Variants in TMEM63B observed in about 807,000 individuals in gnomAD.
TMEM63B encodes transmembrane protein 63B.
A neutral mutation model predicts 102.6 loss-of-function variants in TMEM63B; 23 were observed. That is an observed-to-expected ratio of 0.22 (90% CI 0.16 to 0.32). TMEM63B has a LOEUF of 0.32. TMEM63B is among the 10% of genes least tolerant of loss of function. The pLI, the probability that TMEM63B is intolerant of heterozygous loss-of-function variation, is 1.00. For synonymous variants in TMEM63B, 444 were observed against 437.0 expected (o/e 1.02, Z -0.20); for missense variants, 628 against 1,095.9 (o/e 0.57, Z 6.03).
At chr6:44,145,814 T>A (rs1209008793) in intron 10 of TMEM63B, among the ~76,000 whole-genome samples, 1 of 152,144 alleles carries the variant, frequency 6.6e-6, no homozygotes. Flanking sequence ...GAACTATTCC[T>A]TCACTCAGCA....
At chr6:44,137,143 C>T (rs955987123) in intron 5 of TMEM63B, among the ~76,000 whole-genome samples, 1 of 152,226 alleles carries the variant, frequency 6.6e-6, no homozygotes, top group Non-Finnish European at 1.5e-5. Context: ...GGCCCCTGGC[C>T]ATGTGGGGCC....
At chr6:44,134,491 C>A (rs1762542376) in intron 1 of TMEM63B, 70 bp from the exon 2 acceptor site, 1 of 1,506,864 alleles carries the variant, frequency 6.6e-7, no homozygotes, top group South Asian at 1.3e-5. Context: ...TGCCCCCTCC[C>A]CACGCCCACC....
chr6:44,152,086 G>C lies in TMEM63B; in HGVS notation c.1836+78G>C. On this transcript the variant is annotated intron_variant, in intron 19 of 23. Coordinates refer to ENST00000323267, the MANE Select transcript of TMEM63B (RefSeq NM_018426.3). This position sits in a 1 kb window ranked among gnomAD's most constrained non-coding sequence, Gnocchi z 6.4. ...CAAGAAACAGCAGCCATCGCGCTAG[G>C]GTTGAGGGGCACAGGAGGGCTGAGA... 1 of 1,485,410 alleles carries C rather than the reference G, an allele frequency of 6.7e-7. No individual in the cohort carries two copies. The highest frequency in any genetic ancestry group is 9.0e-7 in the Non-Finnish European group (1 of 1,116,350). 92.0% of individuals were successfully genotyped at this position (1,485,410 alleles called of 1,614,324 possible).
At chr6:44,129,146 T>C (rs770169814) in intron 1 of TMEM63B, among the ~76,000 whole-genome samples, 4 of 152,066 alleles carry the variant, frequency 2.6e-5, no homozygotes, top group Non-Finnish European at 5.9e-5. Flanking sequence ...GGCGGACAGA[T>C]CACTTGAGGT....
intron 9 of TMEM63B, 53 bp from the exon 10 acceptor site, chr6:44,140,975 T>A: frequency 3.3e-6 from 5 of 1,520,904 alleles, no homozygotes; most frequent in Non-Finnish European, 3.6e-6. Flanking sequence ...TCACATCCCC[T>A]GGCTCCACTG....
In TMEM63B at chr6:44,155,043, G is replaced by C. The variant is rs974805327; in HGVS notation, c.*160G>C. 8 of 675,028 alleles carry C rather than the reference G, an allele frequency of 1.2e-5. No homozygotes were observed. The highest frequency in any genetic ancestry group is 3.1e-5 in the South Asian group (1 of 32,264). The allele number at this position is 675,028 out of a possible 1,614,324, so 41.8% of individuals were successfully genotyped here. On this transcript the variant is annotated 3_prime_UTR_variant, in exon 24 of 24. Coordinates refer to ENST00000323267, the MANE Select transcript of TMEM63B (RefSeq NM_018426.3). ...TGGGGGTTTCACTGCTCTCCCCCAT[G>C]ATGGAGGGAGGGAGCCCCCCAACCT...
At position 44,142,159 on chromosome 6, in the gene TMEM63B, G is replaced by A. The variant is rs1287799207; in HGVS notation, c.782+1061G>A. ...ATAAAAAATAGAAGAGGCCAGGCAC[G>A]GTGGCTCACGCCTGTAATCCCAACA... On this transcript the variant is annotated intron_variant, in intron 10 of 23. Coordinates refer to ENST00000323267, the MANE Select transcript of TMEM63B (RefSeq NM_018426.3). Among the ~76,000 whole-genome samples, 9 of 151,676 alleles carry A rather than the reference G, an allele frequency of 5.9e-5. No individual in the cohort carries two copies. In the South Asian group the frequency reaches 1.5e-3, roughly 25 times the overall value.
intron 23 of TMEM63B, 92 bp downstream of exon 23, chr6:44,154,537 C>A: frequency 6.4e-7 from 1 of 1,552,774 alleles, no homozygotes; most frequent in Non-Finnish European, 8.8e-7. Context: ...GAACCTGTGC[C>A]AGACCCCATG....
chr6:44,154,041 TAGC>T, intron 21 of TMEM63B, 29 bp from the exon 22 acceptor site: 1 of 1,604,022 alleles, frequency 6.2e-7, no homozygotes, highest in Non-Finnish European at 8.5e-7. Flanking sequence ...CCACAGGAGA[TAGC>T]AACCCCATTC....
rs750560623 is a variant in TMEM63B at position 44,152,031 on chromosome 6, C to T, written c.1836+23C>T. 3 of 1,576,512 alleles carry T rather than the reference C, an allele frequency of 1.9e-6. No individual in the cohort carries two copies. The highest frequency in any genetic ancestry group is 2.0e-5 in the Admixed American group (1 of 50,852). ...CGGGTACGGCCGCCTGGGGCAGCAG[C>T]GGCCCGCACAGCGCCCCCTGGTGGC... On this transcript the variant is annotated intron_variant, in intron 19 of 23. Coordinates refer to ENST00000323267, the MANE Select transcript of TMEM63B (RefSeq NM_018426.3). This position sits in a 1 kb window ranked among gnomAD's most constrained non-coding sequence, Gnocchi z 6.4.
At chr6:44,137,394 C>G (rs555725528) in intron 5 of TMEM63B, among the ~76,000 whole-genome samples, 6 of 152,326 alleles carry the variant, frequency 3.9e-5, no homozygotes, top group African/African-American at 1.4e-4. Context: ...GGTGGCAGCT[C>G]TTCCAGCAAT....
Position 44,153,671 on chromosome 6 carries a change from C to G in TMEM63B, c.1943-5C>G. 6.2e-7 allele frequency: 1 copy of G among 1,613,162 alleles called. No individual in the cohort carries two copies. Among genetic ancestry groups the G allele is most frequent in the Non-Finnish European group, 8.5e-7 (1 of 1,179,582 alleles). ...CGAGGTCAGGGCCCATGTGGCTTCC[C>G]TTAGGGCTCATGTACATGCTGCTGA... On this transcript the variant is annotated splice_polypyrimidine_tract_variant and splice_region_variant and intron_variant, in intron 20 of 23. Transcript: ENST00000323267.
Position 44,152,749 on chromosome 6 carries a change from T to C in TMEM63B, c.1942+51T>C, listed in dbSNP as rs1767015624. On this transcript the variant is annotated intron_variant, in intron 20 of 23. Coordinates refer to ENST00000323267, the MANE Select transcript of TMEM63B (RefSeq NM_018426.3). The surrounding 1 kb of genome is among the most constrained non-coding windows in gnomAD (Gnocchi z 6.4). ...GGCCCTGCTCGGGGGGACCCAGGAC[T>C]TCACCCTCTCCACTCTAGGAATGCA... is the stretch of plus-strand genomic sequence containing the variant. The C allele has an allele frequency of 1.4e-6, 2 of 1,469,800 alleles. No homozygotes were observed. Among genetic ancestry groups the C allele is most frequent in the Non-Finnish European group, 1.9e-6 (2 of 1,062,884 alleles). The allele number at this position is 1,469,800 out of a possible 1,614,324, so 91.0% of individuals were successfully genotyped here.
chr6:44,130,964 C>G (rs1778154521), intron 1 of TMEM63B, among the ~76,000 whole-genome samples: 2 of 150,714 alleles, frequency 1.3e-5, no homozygotes, highest in Admixed American at 6.6e-5. Context: ...GTCGCCCAGG[C>G]TGGAGTGCAG....
chr6:44,129,202 T>A (rs940169261), intron 1 of TMEM63B, among the ~76,000 whole-genome samples: 1 of 151,808 alleles, frequency 6.6e-6, no homozygotes, highest in African/African-American at 2.4e-5. Flanking sequence ...ACCCCATCGC[T>A]ACTAAAAATA....
chr6:44,147,446 C>G lies in TMEM63B; in HGVS notation c.933C>G (p.Ile311Met). 6.2e-7 allele frequency: 1 copy of G among 1,614,170 alleles called. No homozygotes were observed. The highest frequency in any genetic ancestry group is 8.5e-7 in the Non-Finnish European group (1 of 1,180,036). Residue 311 changes from isoleucine (I) to methionine (M), a missense_variant, in exon 12 of 24, where the codon ATC (isoleucine) becomes ATG (methionine). Ile to Met is a conservative substitution (Grantham distance 10). This residue lies in a region of TMEM63B where 336 missense variants were observed against 580.3 expected (regional missense o/e 0.58). Coordinates refer to ENST00000323267, the MANE Select transcript of TMEM63B (RefSeq NM_018426.3). ...LQSKENVPTM[I>M]NPKPCGHLCC... ...GCAAGGAGAACGTGCCTACCATGAT[C>G]AACCCCAAGCCCTGTGGCCACCTCT...
At chr6:44,143,274 G>A (rs947152450) in intron 10 of TMEM63B, among the ~76,000 whole-genome samples, 16 of 152,220 alleles carry the variant, frequency 1.1e-4, no homozygotes, top group Admixed American at 9.8e-4. Context: ...CCTTCTATGT[G>A]CCAGGCACAA....
intron 10 of TMEM63B, among the ~76,000 whole-genome samples, chr6:44,143,055 C>T (rs1035946345): frequency 1.3e-5 from 2 of 152,170 alleles, no homozygotes; most frequent in South Asian, 4.1e-4. Flanking sequence ...GAGGTCCAGA[C>T]CTGTCAGTTG....
Position 44,152,380 on chromosome 6 carries a change from G to A in TMEM63B, c.1837-213G>A, listed in dbSNP as rs1016658659. Among the ~76,000 whole-genome samples the A allele has an allele frequency of 4.0e-5, 6 of 151,412 alleles. No homozygotes were observed. The highest frequency in any genetic ancestry group is 8.8e-5 in the Non-Finnish European group (6 of 67,866). ...CCCCGACCCTTGAAGGCCCCTCTCC[G>A]TGCCCCATCACTGCAACCGCCCTGA... On this transcript the variant is annotated intron_variant, in intron 19 of 23. Transcript: ENST00000323267. The surrounding 1 kb of genome is among the most constrained non-coding windows in gnomAD (Gnocchi z 6.4).
Sources: allele counts gnomAD v4.1 joint callset (sites outside exome capture counted in the v4.1 genomes callset), GRCh38; gene constraint gnomAD v4.1.1; regional missense constraint gnomAD v4.1.1; non-coding constraint Gnocchi (gnomAD v3.1); transcripts MANE v1.5; gene names NCBI Gene and HGNC (gene_info 2026-07-23, HGNC 2026-07-21).